Variants in CACNB3 observed in about 807,000 individuals in gnomAD.
CACNB3 encodes calcium voltage-gated channel auxiliary subunit beta 3.
A neutral mutation model predicts 63.7 loss-of-function variants in CACNB3; 36 were observed. The observed-to-expected ratio is 0.57, with a 90% confidence interval of 0.43 to 0.75. The LOEUF (loss-of-function observed/expected upper bound fraction) is 0.75, where lower values mean the gene tolerates loss of function less well. Among genes scored for constraint, CACNB3 ranks in the 30% least tolerant of loss-of-function variants. The pLI is 0.00. For missense variants in CACNB3, 493 were observed against 648.6 expected (o/e 0.76, Z 2.61); for synonymous variants, 241 against 250.6 (o/e 0.96, Z 0.36).
In CACNB3 at chr12:48,818,853, C is replaced by T. The variant is rs1047881549; in HGVS notation, c.-77C>T. On this transcript the variant is annotated 5_prime_UTR_variant, in exon 1 of 13. Transcript: ENST00000301050. This position sits in a 1 kb window ranked among gnomAD's most constrained non-coding sequence, Gnocchi z 4.3. ...GGGGCTCGGTGGCATCTCCCGGGCG[C>T]GGCCCGCAGTCCTTGCCCCTGCCTC... is the stretch of plus-strand genomic sequence containing the variant. 2.1e-6 allele frequency: 3 copies of T among 1,454,206 alleles called. No homozygotes were observed. The highest frequency in any genetic ancestry group is 1.8e-6 in the Non-Finnish European group (2 of 1,103,766). The allele number at this position is 1,454,206 out of a possible 1,614,324, so 90.1% of individuals were successfully genotyped here.
chr12:48,819,729 G>A (rs74859102), intron 1 of CACNB3: 8,240 of 447,740 alleles, frequency 0.018, 105 homozygotes, highest in Middle Eastern at 0.034. Flanking sequence ...AGGGCCTGGG[G>A]ATGGAGAGGA....
chr12:48,816,325 G>C (rs1375892997), upstream of CACNB3, among the ~76,000 whole-genome samples: 1 of 152,190 alleles, frequency 6.6e-6, no homozygotes, highest in African/African-American at 2.4e-5. Context: ...CCTGCCAGCT[G>C]CCAGTCTAAC....
At chr12:48,814,892 C>T (rs986369871), upstream of CACNB3, 1 of 280,362 alleles carries the variant, frequency 3.6e-6, no homozygotes, top group Non-Finnish European at 6.7e-6. This position sits in a 1 kb window ranked among gnomAD's most constrained non-coding sequence, Gnocchi z 6.9. Flanking sequence ...GAAGGAGCCG[C>T]GTCGCTTCGC....
In CACNB3 at chr12:48,824,218, C is replaced by T. The variant is rs1423936895; in HGVS notation, c.292-40C>T. On this transcript the variant is annotated intron_variant, in intron 3 of 12. Coordinates refer to ENST00000301050, the MANE Select transcript of CACNB3 (RefSeq NM_000725.4). ...TTGAAGAGCCAGGACTGGGGCGGGG[C>T]GCTTCTCTCACCACCCCTTCCTGCT... The T allele has an allele frequency of 4.0e-6, 6 of 1,498,894 alleles. No individual in the cohort carries two copies. In the East Asian group the frequency reaches 7.0e-5, roughly 17 times the overall value. 92.8% of individuals were successfully genotyped at this position (1,498,894 alleles called of 1,614,324 possible). A position where few individuals can be genotyped will look rare whatever the true frequency, so the allele number is the denominator to read the frequency against.
At position 48,825,215 on chromosome 12, in the gene CACNB3, T is replaced by C. The variant is rs1182752036; in HGVS notation, c.545T>C (p.Leu182Pro). ...GTGCCCTCCATGCGGCCTGTGGTGC[T>C]GGTGGGACCCTCTCTGAAAGGTTAT... The part of the protein sequence containing the change: ...DVVPSMRPVV[L>P]VGPSLKGYEV... The change falls in exon 7 of 13, where the codon CTG (leucine) becomes CCG (proline). Residue 182 changes from leucine to proline, a missense_variant. Physicochemically the swap from Leu to Pro is moderately conservative, Grantham distance 98. Transcript: ENST00000301050. This position sits in a 1 kb window ranked among gnomAD's most constrained non-coding sequence, Gnocchi z 4.5. 6.2e-7 allele frequency: 1 copy of C among 1,614,124 alleles called. No individual in the cohort carries two copies. The highest frequency in any genetic ancestry group is 8.5e-7 in the Non-Finnish European group (1 of 1,180,030).
rs1346951082 is a variant in CACNB3, at chr12:48,825,840, T to C, written c.742+71T>C. ...TGAGAACCTTCCTCCTCCCTTTTCT[T>C]TTTTTTGAGATGGAGTCTCGCTCTG... is the stretch of plus-strand genomic sequence containing the variant. On this transcript the variant is annotated intron_variant, in intron 9 of 12. Transcript: ENST00000301050. The surrounding 1 kb of genome is among the most constrained non-coding windows in gnomAD (Gnocchi z 4.5). 1.0e-5 allele frequency: 11 copies of C among 1,094,680 alleles called. No homozygotes were observed. Among genetic ancestry groups the C allele is most frequent in the African/African-American group, 6.2e-5 (4 of 64,466 alleles). 67.8% of individuals were successfully genotyped at this position (1,094,680 alleles called of 1,614,324 possible). A position where few individuals can be genotyped will look rare whatever the true frequency, so the allele number is the denominator to read the frequency against.
chr12:48,826,962 C>T lies in CACNB3; in HGVS notation c.991-12C>T. 1 of 1,613,808 alleles carries T rather than the reference C, an allele frequency of 6.2e-7. No individual in the cohort carries two copies. The highest frequency in any genetic ancestry group is 8.5e-7 in the Non-Finnish European group (1 of 1,179,848). ...GGGGAAACCAACGTTGCGCCTTCCT[C>T]CCCCTCCCCAGGAGTCATTTGATGT... On this transcript the variant is annotated splice_polypyrimidine_tract_variant and intron_variant, in intron 11 of 12. Coordinates refer to ENST00000301050, the MANE Select transcript of CACNB3 (RefSeq NM_000725.4). This position sits in a 1 kb window ranked among gnomAD's most constrained non-coding sequence, Gnocchi z 4.8.
At chr12:48,820,879 G>A (rs1377869634) in intron 1 of CACNB3, 2 of 152,210 alleles carry the variant, frequency 1.3e-5, no homozygotes, top group Non-Finnish European at 2.9e-5. Context: ...TAAGCCAGAT[G>A]CCTCAGGCGT....
In CACNB3 at chr12:48,826,637, ACT is replaced by A; in HGVS notation, c.895-119_895-118del. ...CCCTTTTCCTGCTGCCCTTAACACA[ACT>A]CTGAGTCATCCTCACCTGCTACTGA... On this transcript the variant is annotated intron_variant, in intron 10 of 12. Coordinates refer to ENST00000301050, the MANE Select transcript of CACNB3 (RefSeq NM_000725.4). This position sits in a 1 kb window ranked among gnomAD's most constrained non-coding sequence, Gnocchi z 4.8. The A allele has an allele frequency of 7.0e-7, 1 of 1,434,308 alleles. No homozygotes were observed. The highest frequency in any genetic ancestry group is 1.7e-5 in the Admixed American group (1 of 58,998). 88.8% of individuals were successfully genotyped at this position (1,434,308 alleles called of 1,614,324 possible).
Position 48,826,345 on chromosome 12 carries a change from C to A in CACNB3, c.743-22C>A, listed in dbSNP as rs760734741. On this transcript the variant is annotated intron_variant, in intron 9 of 12. Coordinates refer to ENST00000301050, the MANE Select transcript of CACNB3 (RefSeq NM_000725.4). This position sits in a 1 kb window ranked among gnomAD's most constrained non-coding sequence, Gnocchi z 4.8. The stretch of plus-strand genomic sequence containing the variant: ...CAGTGGGCAGAGCTCCTGGTGAGCA[C>A]TGCTGCTGCCTCCCTCCATAGCGGA... The A allele has an allele frequency of 6.2e-7, 1 of 1,613,816 alleles. No individual in the cohort carries two copies. Among genetic ancestry groups the A allele is most frequent in the South Asian group, 1.1e-5 (1 of 91,068 alleles).
chr12:48,820,414 C>G (rs573980850), intron 1 of CACNB3: 13 of 152,528 alleles, frequency 8.5e-5, no homozygotes, highest in African/African-American at 2.9e-4. Flanking sequence ...CCATCTCTCT[C>G]TGGCTCTGAT....
Position 48,824,946 on chromosome 12 carries a change from A to T in CACNB3, c.473-3A>T. ...TTAATCTTGTATTTCCTTTTCCAAAAAGCCAAGCAGAAGCAAAAGCAGGTG... is the reference window on the plus strand; with the variant it reads ...TTAATCTTGTATTTCCTTTTCCAAATAGCCAAGCAGAAGCAAAAGCAGGTG... On this transcript the variant is annotated splice_region_variant and splice_polypyrimidine_tract_variant and intron_variant, in intron 5 of 12. Transcript: ENST00000301050. 6.2e-7 allele frequency: 1 copy of T among 1,613,448 alleles called. No homozygotes were observed. Among genetic ancestry groups the T allele is most frequent in the Non-Finnish European group, 8.5e-7 (1 of 1,179,886 alleles).
In CACNB3 at chr12:48,823,455, G is replaced by C. The variant is rs752369498; in HGVS notation, c.157G>C (p.Glu53Gln). ...AGAGAGCCAGGCTCAGCAGCAGCTC[G>C]AAAGGGCCAAGGTATACTTTCTGGG... ...EVESQAQQQL[E>Q]RAKHKPVAFA... The change falls in exon 2 of 13, where the codon GAA becomes CAA. Residue 53 changes from glutamate (E) to glutamine (Q), a missense_variant. Transcript: ENST00000301050. The surrounding 1 kb of genome is among the most constrained non-coding windows in gnomAD (Gnocchi z 4.2). 6.2e-7 allele frequency: 1 copy of C among 1,614,018 alleles called. No individual in the cohort carries two copies. The highest frequency in any genetic ancestry group is 1.1e-5 in the South Asian group (1 of 91,070).
chr12:48,824,053 C>T, intron 3 of CACNB3: 1 of 661,404 alleles, frequency 1.5e-6, no homozygotes, highest in South Asian at 1.9e-5. Context: ...CCGAGGTCCC[C>T]TGTGACAGCT....
Position 48,818,515 on chromosome 12 carries a change from A to G in CACNB3, c.-415A>G, listed in dbSNP as rs1937642241. 1.0e-6 allele frequency: 1 copy of G among 1,002,452 alleles called. No individual in the cohort carries two copies. The highest frequency in any genetic ancestry group is 1.2e-6 in the Non-Finnish European group (1 of 842,260). 62.1% of individuals were successfully genotyped at this position (1,002,452 alleles called of 1,614,324 possible). The stretch of plus-strand genomic sequence containing the variant: ...TCTCCTCCCCTTCCTCCCCGCCGCC[A>G]CGGCCCCGTAGGTGCTCGGGGACCC... On this transcript the variant is annotated 5_prime_UTR_variant, in exon 1 of 13. Coordinates refer to ENST00000301050, the MANE Select transcript of CACNB3 (RefSeq NM_000725.4). The surrounding 1 kb of genome is among the most constrained non-coding windows in gnomAD (Gnocchi z 4.3).
At chr12:48,821,936 G>C (rs1330055216) in intron 1 of CACNB3, among the ~76,000 whole-genome samples, 2 of 152,192 alleles carry the variant, frequency 1.3e-5, no homozygotes, top group African/African-American at 2.4e-5. Flanking sequence ...AGCCTGGGCT[G>C]ACCCCTAGCT....
chr12:48,827,118 C>A lies in CACNB3; in HGVS notation c.1135C>A (p.Leu379Ile). ...GGGTCCTCCCAGTGCCATCCCCGGA[C>A]TTCAGGTAACCATTTCCAGTGGGCA... ...LLGPPSAIPG[L>I]QNQQLLGERG... Residue 379 changes from leucine (L) to isoleucine (I), a missense_variant, in exon 12 of 13, where the codon CTT becomes ATT. Physicochemically the swap from Leu to Ile is conservative, Grantham distance 5 (BLOSUM62 2). Transcript: ENST00000301050. 6.2e-7 allele frequency: 1 copy of A among 1,612,314 alleles called. No homozygotes were observed. The highest frequency in any genetic ancestry group is 8.5e-7 in the Non-Finnish European group (1 of 1,179,990).
Position 48,825,194 on chromosome 12 carries a change from C to T in CACNB3, c.524C>T (p.Pro175Leu). The change falls in exon 7 of 13, where the codon CCC becomes CTC. Residue 175 changes from proline to leucine, a missense_variant. Physicochemically the swap from Pro to Leu is moderately conservative, Grantham distance 98. Coordinates refer to ENST00000301050, the MANE Select transcript of CACNB3 (RefSeq NM_000725.4). This position sits in a 1 kb window ranked among gnomAD's most constrained non-coding sequence, Gnocchi z 4.5. Reference protein sequence around the residue: ...AEHVPPYDVVPSMRPVVLVGP... With the variant: ...AEHVPPYDVVLSMRPVVLVGP... Reference sequence around the variant, plus strand: ...CATGTTCCCCCATATGACGTGGTGCCCTCCATGCGGCCTGTGGTGCTGGTG... The same window carrying T: ...CATGTTCCCCCATATGACGTGGTGCTCTCCATGCGGCCTGTGGTGCTGGTG... 1 of 1,614,116 alleles carries T rather than the reference C, an allele frequency of 6.2e-7. No individual in the cohort carries two copies.
At position 48,823,675 on chromosome 12, in the gene CACNB3, C is replaced by A; in HGVS notation, c.169-6C>A. On this transcript the variant is annotated splice_region_variant and splice_polypyrimidine_tract_variant and intron_variant, in intron 2 of 12. Coordinates refer to ENST00000301050, the MANE Select transcript of CACNB3 (RefSeq NM_000725.4). The surrounding 1 kb of genome is among the most constrained non-coding windows in gnomAD (Gnocchi z 4.2). ...TCTCACTTGCACTAATGGGCAAATT[C>A]TCCAGCACAAACCTGTGGCATTTGC... 6.2e-7 allele frequency: 1 copy of A among 1,614,122 alleles called. No individual in the cohort carries two copies. The highest frequency in any genetic ancestry group is 8.5e-7 in the Non-Finnish European group (1 of 1,180,014).
Sources: allele counts gnomAD v4.1 joint callset (sites outside exome capture counted in the v4.1 genomes callset), GRCh38; gene constraint gnomAD v4.1.1; non-coding constraint Gnocchi (gnomAD v3.1); transcripts MANE v1.5; gene names NCBI Gene and HGNC (gene_info 2026-07-23, HGNC 2026-07-21).